Variants in LAMC3 observed in about 807,000 individuals in gnomAD.
LAMC3 encodes the protein laminin subunit gamma-3.
A neutral mutation model predicts 173.8 loss-of-function variants in LAMC3; 128 were observed. The ratio of observed to expected loss-of-function variants is 0.74; its 90% confidence interval spans 0.64 to 0.85. LAMC3 has a LOEUF of 0.85. Among genes scored for constraint, LAMC3 ranks in the 40% least tolerant of loss-of-function variants. The pLI is 0.00. For missense variants in LAMC3, 2,022 were observed against 2,156.0 expected, an observed-to-expected ratio of 0.94 and a Z score of 1.23; for synonymous variants, 897 against 909.1, an observed-to-expected ratio of 0.99 and a Z score of 0.24.
chr9:131,085,399 C>T (rs759915691), intron 24 of LAMC3, 125 bp from the exon 25 acceptor site: 3 of 897,582 alleles, frequency 3.3e-6, no homozygotes, highest in Admixed American at 1.8e-5. Context: ...ACGTTGCATG[C>T]ACTTCAGACC....
chr9:131,020,838 T>G (rs1210781757), intron 1 of LAMC3, among the ~76,000 whole-genome samples: 1 of 152,128 alleles, frequency 6.6e-6, no homozygotes, highest in African/African-American at 2.4e-5. Context: ...GTGCCTTTAT[T>G]TTTCCCCCCC....
In LAMC3 at chr9:131,067,206, GTGAGTA is replaced by G; in HGVS notation, c.2593+2_2593+7del. On this transcript the variant is annotated splice_donor_variant and splice_donor_5th_base_variant and intron_variant, in intron 14 of 27. Coordinates refer to ENST00000361069, the MANE Select transcript of LAMC3 (RefSeq NM_006059.4). LOFTEE classifies it high-confidence loss of function. ...CCTCGACCCGCAGACAAATGCATGC[GTGAGTA>G]CCTACCTCCAGACCCCAGGGTGGCA... 1 of 1,613,052 alleles carries G rather than the reference GTGAGTA, an allele frequency of 6.2e-7. No individual in the cohort carries two copies. Among genetic ancestry groups the G allele is most frequent in the East Asian group, 2.2e-5 (1 of 44,826 alleles).
intron 7 of LAMC3, among the ~76,000 whole-genome samples, chr9:131,044,870 C>G (rs1159830334): frequency 6.6e-6 from 1 of 152,164 alleles, no homozygotes; most frequent in Admixed American, 6.5e-5. Context: ...AAATGCAACA[C>G]CGTGTCCTGG....
intron 1 of LAMC3, among the ~76,000 whole-genome samples, chr9:131,010,095 C>G (rs1045812050): frequency 7.1e-6 from 1 of 140,392 alleles, no homozygotes; most frequent in African/African-American, 2.7e-5. Context: ...TGGAGGTTGC[C>G]GTGAGCCGAG....
intron 2 of LAMC3, among the ~76,000 whole-genome samples, chr9:131,031,757 A>G (rs1225972050): frequency 2.0e-5 from 3 of 152,092 alleles, no homozygotes; most frequent in Non-Finnish European, 4.4e-5. Context: ...TCCCCCAGAC[A>G]TGTTTGTAGG....
chr9:131,081,763 C>G (rs1209355221), intron 23 of LAMC3, among the ~76,000 whole-genome samples: 1 of 152,224 alleles, frequency 6.6e-6, no homozygotes, highest in Non-Finnish European at 1.5e-5. Context: ...GTGTGAGTCT[C>G]TGTGCCTGGC....
At chr9:131,015,767 T>G (rs1833509678) in intron 1 of LAMC3, among the ~76,000 whole-genome samples, 1 of 152,236 alleles carries the variant, frequency 6.6e-6, no homozygotes, top group Non-Finnish European at 1.5e-5. Context: ...GCGATTCTCC[T>G]GCTTCAGCCT....
chr9:131,056,038 T>A (rs918529759), intron 11 of LAMC3, among the ~76,000 whole-genome samples: 8 of 67,376 alleles, frequency 1.2e-4, no homozygotes, highest in African/African-American at 6.8e-4. Context: ...CTACAAAAAA[T>A]TTAAAAAATT....
chr9:131,053,011 T>A, intron 11 of LAMC3, 46 bp downstream of exon 11: 1 of 1,399,284 alleles, frequency 7.1e-7, no homozygotes, highest in Middle Eastern at 1.8e-4. Flanking sequence ...GCTTGCCAGG[T>A]CTCAGAACTG....
intron 2 of LAMC3, 23 bp from the exon 3 acceptor site, chr9:131,032,022 G>C (rs1218289701): frequency 1.2e-6 from 2 of 1,614,060 alleles, no homozygotes; most frequent in Admixed American, 1.7e-5. Context: ...CCTGCTGATG[G>C]CACCCTCTCC....
chr9:131,023,538 A>G (rs1833665862), intron 1 of LAMC3, among the ~76,000 whole-genome samples: 1 of 152,232 alleles, frequency 6.6e-6, no homozygotes, highest in Middle Eastern at 3.4e-3. Context: ...GATGTGGAGC[A>G]TTTTTTCTTG....
intron 7 of LAMC3, 117 bp downstream of exon 7, chr9:131,041,852 TGACCTTGTCACCCTGTGCCCTTC>T: frequency 1.2e-6 from 1 of 859,844 alleles, no homozygotes; most frequent in Non-Finnish European, 1.9e-6. Flanking sequence ...TGGACTTGGG[TGACCTTGTCACCCTGTGCCCTTC>T]CTGGGGCACC....
chr9:131,067,174 C>T lies in LAMC3; in HGVS notation c.2562C>T (p.Ala854=). The change falls in exon 14 of 28, where the codon GCC becomes GCT. Residue 854 remains alanine (A), a synonymous_variant. Transcript: ENST00000361069. ...GTCAGGAAGGCTTCTACGGGAGCGC[C>T]CTGGCCCCTCGACCCGCAGACAAAT... is the stretch of plus-strand genomic sequence containing the variant. ...EHCQEGFYGS[A]LAPRPADKCM... is the part of the protein sequence containing the mutation. The T allele has an allele frequency of 6.2e-7, 1 of 1,614,100 alleles. No individual in the cohort carries two copies. The highest frequency in any genetic ancestry group is 8.5e-7 in the Non-Finnish European group (1 of 1,180,016).
intron 8 of LAMC3, among the ~76,000 whole-genome samples, chr9:131,046,232 A>G (rs1834155564): frequency 8.5e-6 from 1 of 118,202 alleles, no homozygotes; most frequent in East Asian, 2.5e-4. Context: ...TTGCTGAGTC[A>G]CCAAGGCTGA....
chr9:131,052,043 C>T (rs936375953), intron 9 of LAMC3, among the ~76,000 whole-genome samples: 1 of 152,178 alleles, frequency 6.6e-6, no homozygotes, highest in Non-Finnish European at 1.5e-5. Flanking sequence ...TCTGCTCACT[C>T]AGCCAGCTCA....
At position 131,077,191 on chromosome 9, in the gene LAMC3, C is replaced by T. The variant is rs1366581401; in HGVS notation, c.3634C>T (p.Gln1212Ter). The change falls in exon 22 of 28, where the codon CAG (glutamine) becomes TAG (stop). Residue 1212 changes from glutamine to a stop codon, truncating the protein, a stop_gained. Coordinates refer to ENST00000361069, the MANE Select transcript of LAMC3 (RefSeq NM_006059.4). LOFTEE classifies it high-confidence loss of function. The stretch of plus-strand genomic sequence containing the variant: ...GTGGCCTCTGCTTCCTCCCAGGTAC[C>T]AGGAGGTCCAGGCGGCCCAGAAAGC... The part of the protein sequence containing the change: ...ETQRDLEDRY[Q>*]EVQAAQKALR... 1 of 1,613,576 alleles carries T rather than the reference C, an allele frequency of 6.2e-7. No individual in the cohort carries two copies. The highest frequency in any genetic ancestry group is 8.5e-7 in the Non-Finnish European group (1 of 1,180,022).
Position 131,082,046 on chromosome 9 carries a change from C to T in LAMC3, c.3928-13C>T. ...TGGAGCCAGCTGCCCAGCCTCTCCT[C>T]ATCTCTCTCCAGCTGCACCAGGAGG... On this transcript the variant is annotated splice_polypyrimidine_tract_variant and intron_variant, in intron 23 of 27. Coordinates refer to ENST00000361069, the MANE Select transcript of LAMC3 (RefSeq NM_006059.4). 2 of 1,609,372 alleles carry T rather than the reference C, an allele frequency of 1.2e-6. No individual in the cohort carries two copies. Among genetic ancestry groups the T allele is most frequent in the Non-Finnish European group, 1.7e-6 (2 of 1,176,190 alleles).
rs749783427 is a variant in LAMC3, at chr9:131,085,513, C to T, written c.4031-11C>T. On this transcript the variant is annotated splice_polypyrimidine_tract_variant and intron_variant, in intron 24 of 27. Coordinates refer to ENST00000361069, the MANE Select transcript of LAMC3 (RefSeq NM_006059.4). ...CCAGTTCCCCTGACCCAGCCTCAGC[C>T]GGGTTTGCAGGAATGAAGCTGCAGT... The T allele has an allele frequency of 2.0e-5, 32 of 1,613,474 alleles. No individual in the cohort carries two copies. The highest frequency in any genetic ancestry group is 4.4e-5 in the South Asian group (4 of 91,080).
chr9:131,055,602 T>C (rs1395493468), intron 11 of LAMC3, among the ~76,000 whole-genome samples: 1 of 148,346 alleles, frequency 6.7e-6, no homozygotes, highest in Non-Finnish European at 1.5e-5. Flanking sequence ...TTTTTTGTAT[T>C]TTTTAGTAGA....
Sources: gnomAD v4.1 joint callset for allele counts (sites outside exome capture counted in the v4.1 genomes callset) on GRCh38, gnomAD v4.1.1 for gene constraint, MANE v1.5 for transcripts, NCBI Gene and HGNC (gene_info 2026-07-23, HGNC 2026-07-21) for gene names.